The following PITPNC1 variants were observed in gnomAD, a reference collection of about 807,000 sequenced individuals.
PITPNC1 encodes the protein phosphatidylinositol transfer protein cytoplasmic 1.
PITPNC1 carries 18 observed loss-of-function variants against 44.7 expected under a neutral mutation model. The observed-to-expected ratio is 0.40, with a 90% CI of 0.28 to 0.60. PITPNC1 has a LOEUF of 0.60. Among genes scored for constraint, PITPNC1 ranks in the 20% least tolerant of loss-of-function variants. The pLI, the probability that PITPNC1 is intolerant of heterozygous loss-of-function variation, is 0.39. For missense variants in PITPNC1, 290 were observed against 418.4 expected, an observed-to-expected ratio of 0.69 and a Z score of 2.68; for synonymous variants, 141 against 149.6, an observed-to-expected ratio of 0.94 and a Z score of 0.42.
chr17:67,531,790 C>T (rs1161827892), intron 1 of PITPNC1, among the ~76,000 whole-genome samples: 2 of 152,150 alleles, frequency 1.3e-5, no homozygotes, highest in Admixed American at 6.5e-5. Context: ...GGTAATGACC[C>T]AGGGTCTGTC....
chr17:67,578,642 T>C (rs9895577), intron 5 of PITPNC1, among the ~76,000 whole-genome samples: 47,632 of 152,086 alleles, frequency 0.31, 7,719 homozygotes, highest in Middle Eastern at 0.43. Context: ...ATCAAAGATA[T>C]GTGTACACAG....
intron 1 of PITPNC1, among the ~76,000 whole-genome samples, chr17:67,475,239 C>G (rs2039609606): frequency 6.6e-6 from 1 of 152,284 alleles, no homozygotes; most frequent in South Asian, 2.1e-4. Context: ...TGCGCGGTTT[C>G]TGTGTGGGCC....
intron 1 of PITPNC1, among the ~76,000 whole-genome samples, chr17:67,464,108 G>A (rs1034198445): frequency 2.8e-4 from 42 of 151,780 alleles, no homozygotes; most frequent in African/African-American, 9.2e-4. Flanking sequence ...CAGGAGAATC[G>A]CTTGAACCCG....
At chr17:67,654,172 T>G (rs894515742) in intron 6 of PITPNC1, among the ~76,000 whole-genome samples, 3 of 152,212 alleles carry the variant, frequency 2.0e-5, no homozygotes, top group Admixed American at 1.3e-4. Context: ...CACTGAAGAC[T>G]GTCGGTTCAC....
chr17:67,602,660 CT>C (rs1380539789), intron 5 of PITPNC1, among the ~76,000 whole-genome samples: 1 of 152,070 alleles, frequency 6.6e-6, no homozygotes, highest in Non-Finnish European at 1.5e-5. Context: ...AGGCGTGTGG[CT>C]AGAAAGCAGG....
chr17:67,561,404 C>T (rs1255294473), intron 4 of PITPNC1, among the ~76,000 whole-genome samples: 1 of 151,466 alleles, frequency 6.6e-6, no homozygotes, highest in East Asian at 1.9e-4. Context: ...TGCAATGAGC[C>T]GATATCTCAC....
chr17:67,642,798 A>G (rs1443007673), intron 6 of PITPNC1, among the ~76,000 whole-genome samples: 1 of 152,172 alleles, frequency 6.6e-6, no homozygotes, highest in Non-Finnish European at 1.5e-5. Context: ...GGATTACTAC[A>G]AAAAATGATA....
intron 1 of PITPNC1, among the ~76,000 whole-genome samples, chr17:67,529,161 G>A (rs1253612592): frequency 6.6e-6 from 1 of 152,148 alleles, no homozygotes; most frequent in African/African-American, 2.4e-5. Context: ...GAGGCCGGCC[G>A]CCCAGCCCTC....
At chr17:67,641,023 G>A (rs1217644774) in intron 6 of PITPNC1, among the ~76,000 whole-genome samples, 2 of 152,162 alleles carry the variant, frequency 1.3e-5, no homozygotes, top group East Asian at 1.9e-4. Context: ...TGGTTGGGAG[G>A]ATATGGTATA....
At chr17:67,509,308 C>T (rs767230474) in intron 1 of PITPNC1, among the ~76,000 whole-genome samples, 2 of 150,894 alleles carry the variant, frequency 1.3e-5, no homozygotes, top group African/African-American at 2.4e-5. Flanking sequence ...CCAAGGCGGG[C>T]GGATCACGAG....
At chr17:67,443,755 C>T (rs2039052243) in intron 1 of PITPNC1, among the ~76,000 whole-genome samples, 1 of 151,490 alleles carries the variant, frequency 6.6e-6, no homozygotes. Flanking sequence ...CTGCCTCAGC[C>T]TCCTGAGTAG....
chr17:67,675,445 G>A, intron 7 of PITPNC1, 34 bp from the exon 8 acceptor site: 1 of 1,398,224 alleles, frequency 7.2e-7, no homozygotes, highest in Non-Finnish European at 1.0e-6. Flanking sequence ...CATCAAAGAT[G>A]CTATTATTTC....
intron 3 of PITPNC1, 114 bp downstream of exon 3, chr17:67,552,459 G>T: frequency 3.0e-6 from 2 of 666,498 alleles, no homozygotes. Context: ...GAGCCCCGTA[G>T]TATCCCTCTT....
chr17:67,395,073 T>A (rs940636301), intron 1 of PITPNC1, among the ~76,000 whole-genome samples: 1 of 152,174 alleles, frequency 6.6e-6, no homozygotes, highest in Non-Finnish European at 1.5e-5. Context: ...AACGCTCTTA[T>A]TAAACTGGTA....
chr17:67,419,592 A>T (rs1031217925), intron 1 of PITPNC1, among the ~76,000 whole-genome samples: 2 of 152,150 alleles, frequency 1.3e-5, no homozygotes, highest in Admixed American at 6.6e-5. Context: ...ATTACAGAAT[A>T]GACCAACTCA....
intron 8 of PITPNC1, among the ~76,000 whole-genome samples, chr17:67,680,978 A>T (rs973660083): frequency 1.3e-5 from 2 of 152,236 alleles, no homozygotes; most frequent in Non-Finnish European, 2.9e-5. Flanking sequence ...AGGGAAATAA[A>T]GTATAATGTG....
At chr17:67,459,889 G>C (rs2039311364) in intron 1 of PITPNC1, 1 of 152,186 alleles carries the variant, frequency 6.6e-6, no homozygotes, top group Non-Finnish European at 1.5e-5. Flanking sequence ...AGACCTGTAA[G>C]ATTTTTACAA....
At chr17:67,546,295 GTATATA>G (rs67276045) in intron 2 of PITPNC1, among the ~76,000 whole-genome samples, 159 of 149,108 alleles carry the variant, frequency 1.1e-3, no homozygotes, top group African/African-American at 9.3e-4. Flanking sequence ...GACTATATAT[GTATATA>G]TATATATATA....
At chr17:67,604,420 A>AG (rs534361082) in intron 5 of PITPNC1, among the ~76,000 whole-genome samples, 155 of 152,366 alleles carry the variant, frequency 1.0e-3, no homozygotes, top group African/African-American at 3.5e-3. Flanking sequence ...TCAGAGAAAG[A>AG]GGATCTGCGT....
Sources: gnomAD v4.1 joint callset for allele counts (sites outside exome capture counted in the v4.1 genomes callset) on GRCh38, gnomAD v4.1.1 for gene constraint, MANE v1.5 for transcripts, NCBI Gene and HGNC (gene_info 2026-07-23, HGNC 2026-07-21) for gene names.